Variants in MACROD2 observed in about 807,000 individuals in gnomAD.
The protein encoded by MACROD2 is ADP-ribose glycohydrolase MACROD2.
A neutral mutation model predicts 70.4 loss-of-function variants in MACROD2; 36 were observed. The observed-to-expected ratio is 0.51, with a 90% CI of 0.39 to 0.68. MACROD2 has a LOEUF of 0.68. Ranked by LOEUF, MACROD2 falls within the 30% of genes least tolerant of loss-of-function variation. MACROD2 has a pLI of 0.00. For missense variants in MACROD2, 496 were observed against 538.4 expected, an observed-to-expected ratio of 0.92 and a Z score of 0.78; for synonymous variants, 172 against 178.8, an observed-to-expected ratio of 0.96 and a Z score of 0.30.
chr20:15,995,525 T>A (rs561945913), intron 15 of MACROD2, among the ~76,000 whole-genome samples: 1 of 151,166 alleles, frequency 6.6e-6, no homozygotes, highest in Non-Finnish European at 1.5e-5. Flanking sequence ...AATTTTTTTG[T>A]ATTTTTAGTA....
At chr20:14,645,463 A>G (rs752585798) in intron 4 of MACROD2, among the ~76,000 whole-genome samples, 9 of 152,100 alleles carry the variant, frequency 5.9e-5, no homozygotes, top group Non-Finnish European at 1.5e-5. Context: ...TGGGAAGTAT[A>G]TAACTAAAGT....
At chr20:14,409,040 C>G (rs187354063) in intron 3 of MACROD2, among the ~76,000 whole-genome samples, 1 of 152,070 alleles carries the variant, frequency 6.6e-6, no homozygotes, top group Non-Finnish European at 1.5e-5. Flanking sequence ...CCTGCTGGTA[C>G]CTGACATGAA....
chr20:15,404,990 G>A (rs562933942), intron 6 of MACROD2, among the ~76,000 whole-genome samples: 105 of 152,302 alleles, frequency 6.9e-4, no homozygotes, highest in Middle Eastern at 3.4e-3. Flanking sequence ...CAATATGAGT[G>A]AACCTTAAAA....
chr20:15,960,145 A>T (rs1418070224), intron 12 of MACROD2, among the ~76,000 whole-genome samples: 2 of 152,190 alleles, frequency 1.3e-5, no homozygotes, highest in Non-Finnish European at 2.9e-5. Flanking sequence ...CAGTTAAGTG[A>T]ATATTAATTC....
At chr20:15,493,292 G>T (rs1228465652) in intron 7 of MACROD2, among the ~76,000 whole-genome samples, 1 of 151,988 alleles carries the variant, frequency 6.6e-6, no homozygotes, top group African/African-American at 2.4e-5. Context: ...TGGTGCATGG[G>T]GTTAAGGTTT....
chr20:15,492,550 G>A (rs1192471749), intron 7 of MACROD2, among the ~76,000 whole-genome samples: 2 of 152,144 alleles, frequency 1.3e-5, no homozygotes, highest in African/African-American at 4.8e-5. Context: ...TTATGGCTAT[G>A]TTCTCTGAAA....
chr20:14,225,089 A>T (rs1339782752), intron 3 of MACROD2, among the ~76,000 whole-genome samples: 1 of 152,186 alleles, frequency 6.6e-6, no homozygotes, highest in Non-Finnish European at 1.5e-5. Flanking sequence ...TGACATCTTT[A>T]GATCCTATTT....
At chr20:15,220,013 G>C (rs1160353667) in intron 5 of MACROD2, among the ~76,000 whole-genome samples, 1 of 106,294 alleles carries the variant, frequency 9.4e-6, no homozygotes, top group East Asian at 2.7e-4. Flanking sequence ...TTTTCTGTTT[G>C]AGTCTTTGGA....
chr20:14,943,349 A>G (rs1321703315), intron 5 of MACROD2, among the ~76,000 whole-genome samples: 3 of 152,110 alleles, frequency 2.0e-5, no homozygotes, highest in Non-Finnish European at 2.9e-5. Flanking sequence ...TAAGTTTTAT[A>G]GTACAGATTT....
At chr20:14,419,212 G>A (rs1196747535) in intron 3 of MACROD2, among the ~76,000 whole-genome samples, 2 of 152,142 alleles carry the variant, frequency 1.3e-5, no homozygotes, top group Admixed American at 6.5e-5. Flanking sequence ...GGGCCACCAT[G>A]CCCGGCTAAT....
At chr20:14,725,490 A>G (rs1161314332) in intron 5 of MACROD2, among the ~76,000 whole-genome samples, 1 of 152,130 alleles carries the variant, frequency 6.6e-6, no homozygotes, top group African/African-American at 2.4e-5. Flanking sequence ...GAAAAATAGA[A>G]TATGAAGCCC....
At chr20:14,317,330 G>A (rs1317316851) in intron 3 of MACROD2, among the ~76,000 whole-genome samples, 2 of 151,884 alleles carry the variant, frequency 1.3e-5, no homozygotes, top group African/African-American at 4.8e-5. Context: ...TTTAATATCT[G>A]GATTCCTGGG....
chr20:15,682,409 A>G (rs2050172403), intron 8 of MACROD2, among the ~76,000 whole-genome samples: 1 of 152,232 alleles, frequency 6.6e-6, no homozygotes, highest in South Asian at 2.1e-4. Flanking sequence ...CAAAATAGAT[A>G]AATAGGAATT....
chr20:14,625,926 G>A (rs113670493), intron 4 of MACROD2, among the ~76,000 whole-genome samples: 21 of 152,188 alleles, frequency 1.4e-4, no homozygotes, highest in African/African-American at 4.6e-4. Context: ...GGGTTCAAGC[G>A]GTTCTCCTGC....
At chr20:15,127,034 A>G (rs1568588052) in intron 5 of MACROD2, among the ~76,000 whole-genome samples, 1 of 152,104 alleles carries the variant, frequency 6.6e-6, no homozygotes, top group East Asian at 1.9e-4. Flanking sequence ...TTCCCTTATT[A>G]TGTACACCTA....
intron 3 of MACROD2, among the ~76,000 whole-genome samples, chr20:14,210,109 T>A (rs370800642): frequency 6.6e-6 from 1 of 152,334 alleles, no homozygotes; most frequent in African/African-American, 2.4e-5. Flanking sequence ...ACATATGTCT[T>A]TTGCCACATG....
At chr20:14,324,077 A>G (rs933504103) in intron 3 of MACROD2, 8 of 152,538 alleles carry the variant, frequency 5.2e-5, no homozygotes, top group Non-Finnish European at 8.8e-5. Flanking sequence ...GTGCTGGGCA[A>G]TTTGCTACTT....
chr20:15,890,939 G>A (rs1331079712), intron 10 of MACROD2, among the ~76,000 whole-genome samples: 1 of 152,134 alleles, frequency 6.6e-6, no homozygotes, highest in African/African-American at 2.4e-5. Flanking sequence ...AATTCTCAAG[G>A]CACTGCTAGG....
At chr20:15,882,186 A>G (rs1299887419) in intron 9 of MACROD2, among the ~76,000 whole-genome samples, 1 of 152,168 alleles carries the variant, frequency 6.6e-6, no homozygotes, top group Non-Finnish European at 1.5e-5. Flanking sequence ...ATCATACAAA[A>G]TTATTTTAAC....
Sources: gnomAD v4.1 joint callset for allele counts (sites outside exome capture counted in the v4.1 genomes callset) on GRCh38, gnomAD v4.1.1 for gene constraint, MANE v1.5 for transcripts, NCBI Gene and HGNC (gene_info 2026-07-23, HGNC 2026-07-21) for gene names.